Variants in RALYL observed in about 807,000 individuals in gnomAD.
The protein encoded by RALYL is RNA-binding Raly-like protein.
A neutral mutation model predicts 35.1 loss-of-function variants in RALYL; 29 were observed. That is an observed-to-expected ratio of 0.83 (90% CI 0.61 to 1.13). The LOEUF (loss-of-function observed/expected upper bound fraction) is 1.13. Ranked by LOEUF, RALYL falls within the 50% of genes most tolerant of loss-of-function variation. The pLI, the probability that RALYL is intolerant of heterozygous loss-of-function variation, is 0.00. For synonymous variants in RALYL, 120 were observed against 127.6 expected (o/e 0.94, Z 0.40); for missense variants, 359 against 360.4 (o/e 1.00, Z 0.03).
chr8:84,406,911 G>A (rs2043555005), intron 1 of RALYL, among the ~76,000 whole-genome samples: 5 of 151,750 alleles, frequency 3.3e-5, no homozygotes. Flanking sequence ...TAATTTTAAT[G>A]GACCTTGAAG....
intron 2 of RALYL, among the ~76,000 whole-genome samples, chr8:84,550,929 C>T (rs2135424543): frequency 6.6e-6 from 1 of 151,948 alleles, no homozygotes; most frequent in Non-Finnish European, 1.5e-5. Flanking sequence ...AAATCTAGGT[C>T]TATAACCATT....
At chr8:84,199,521 T>C (rs1816308134) in intron 1 of RALYL, among the ~76,000 whole-genome samples, 2 of 152,212 alleles carry the variant, frequency 1.3e-5, no homozygotes, top group South Asian at 4.1e-4. Context: ...TTGTCCATTT[T>C]TGCTTTAATT....
chr8:84,564,549 C>T (rs2061658881), intron 2 of RALYL, among the ~76,000 whole-genome samples: 1 of 151,636 alleles, frequency 6.6e-6, no homozygotes, highest in Non-Finnish European at 1.5e-5. Context: ...TTATGTTTTG[C>T]TGTCTGCCAC....
intron 1 of RALYL, among the ~76,000 whole-genome samples, chr8:84,379,278 A>G (rs766643658): frequency 1.5e-4 from 23 of 151,972 alleles, no homozygotes; most frequent in Non-Finnish European, 3.2e-4. Context: ...TATCAATAAT[A>G]GCAGTGGCAA....
chr8:84,805,804 AC>A (rs1824454745), intron 4 of RALYL, among the ~76,000 whole-genome samples: 1 of 152,130 alleles, frequency 6.6e-6, no homozygotes, highest in African/African-American at 2.4e-5. Context: ...CTGATCAAAT[AC>A]TCCTTTGACT....
chr8:84,622,846 G>A lies in RALYL; in HGVS notation c.256+93269G>A, dbSNP rs999445455. Reference sequence around the variant, plus strand: ...TGTGTCTCAAGATGTAAGAATTGACGAGTACACACCAAGTCGTTGTTATCT... The same window carrying A: ...TGTGTCTCAAGATGTAAGAATTGACAAGTACACACCAAGTCGTTGTTATCT... On this transcript the variant is annotated intron_variant, in intron 2 of 8. Coordinates refer to ENST00000521268, the MANE Select transcript of RALYL (RefSeq NM_173848.7). Among the ~76,000 whole-genome samples, 9 of 152,122 alleles carry A rather than the reference G, an allele frequency of 5.9e-5. No individual in the cohort carries two copies. The South Asian group carries it at 1.4e-3, about 24-fold the overall frequency.
At chr8:84,379,361 T>C (rs1355174373) in intron 1 of RALYL, among the ~76,000 whole-genome samples, 1 of 151,916 alleles carries the variant, frequency 6.6e-6, no homozygotes, top group Non-Finnish European at 1.5e-5. Flanking sequence ...CCTTGACTGA[T>C]TGTACAACTT....
intron 8 of RALYL, among the ~76,000 whole-genome samples, chr8:84,889,269 A>T (rs943264916): frequency 1.3e-5 from 2 of 152,170 alleles, no homozygotes; most frequent in South Asian, 4.1e-4. Context: ...GATTTCTTCA[A>T]CTCATTCTAA....
At chr8:84,850,290 A>T (rs1022693752) in intron 5 of RALYL, among the ~76,000 whole-genome samples, 2 of 152,228 alleles carry the variant, frequency 1.3e-5, no homozygotes, top group African/African-American at 4.8e-5. Flanking sequence ...AATCCTAAAG[A>T]TTTAATTAAC....
In RALYL at chr8:84,717,409, A is replaced by G. The variant is rs1192041379; in HGVS notation, c.257-57170A>G. Reference sequence around the variant, plus strand: ...CCTTTGATAATACTATTTCTCTTAGATTACTACTGGCAGCAATTAATCAAC... The same window carrying G: ...CCTTTGATAATACTATTTCTCTTAGGTTACTACTGGCAGCAATTAATCAAC... On this transcript the variant is annotated intron_variant, in intron 2 of 8. Coordinates refer to ENST00000521268, the MANE Select transcript of RALYL (RefSeq NM_173848.7). Among the ~76,000 whole-genome samples, 10 of 152,160 alleles carry G rather than the reference A, an allele frequency of 6.6e-5. No homozygotes were observed. In the East Asian group the frequency reaches 1.9e-3, roughly 29 times the overall value.
intron 1 of RALYL, among the ~76,000 whole-genome samples, chr8:84,363,625 C>T (rs1475047511): frequency 1.3e-5 from 2 of 152,156 alleles, no homozygotes; most frequent in African/African-American, 4.8e-5. Context: ...TATAAGGGAG[C>T]ATTGGCCTTT....
intron 1 of RALYL, among the ~76,000 whole-genome samples, chr8:84,264,747 GC>G (rs927451638): frequency 1.3e-5 from 2 of 152,122 alleles, no homozygotes; most frequent in Non-Finnish European, 2.9e-5. Flanking sequence ...TAAAACTCAT[GC>G]AATATGTGAG....
intron 4 of RALYL, among the ~76,000 whole-genome samples, chr8:84,806,086 C>A (rs932514520): frequency 2.6e-5 from 4 of 152,176 alleles, no homozygotes; most frequent in African/African-American, 9.7e-5. Flanking sequence ...ACTCATTCAA[C>A]AACATGGTTC....
At chr8:84,368,304 AATTT>A (rs1169060873) in intron 1 of RALYL, among the ~76,000 whole-genome samples, 1 of 152,178 alleles carries the variant, frequency 6.6e-6, no homozygotes, top group Non-Finnish European at 1.5e-5. Context: ...TTTTACATAT[AATTT>A]ATTTGTAGGG....
chr8:84,584,365 C>T (rs1469356859), intron 2 of RALYL, among the ~76,000 whole-genome samples: 1 of 151,990 alleles, frequency 6.6e-6, no homozygotes, highest in Non-Finnish European at 1.5e-5. Context: ...AGCACTTTGG[C>T]AGGCTGAGGC....
chr8:84,720,084 G>T (rs1296044733), intron 2 of RALYL, among the ~76,000 whole-genome samples: 1 of 152,046 alleles, frequency 6.6e-6, no homozygotes, highest in African/African-American at 2.4e-5. Context: ...TGTCACAAAT[G>T]ATAGGATTCC....
At chr8:84,427,254 A>C (rs2046595391) in intron 1 of RALYL, among the ~76,000 whole-genome samples, 2 of 152,110 alleles carry the variant, frequency 1.3e-5, no homozygotes, top group African/African-American at 2.4e-5. Flanking sequence ...TAGCTTCCCT[A>C]CTAGACTTCC....
chr8:84,839,441 A>G (rs1832727661), intron 4 of RALYL, among the ~76,000 whole-genome samples: 1 of 152,236 alleles, frequency 6.6e-6, no homozygotes, highest in Admixed American at 6.5e-5. Flanking sequence ...GCCATTGCCC[A>G]GGCTTCAGTA....
At chr8:84,295,408 A>T (rs1184313299) in intron 1 of RALYL, among the ~76,000 whole-genome samples, 1 of 152,182 alleles carries the variant, frequency 6.6e-6, no homozygotes, top group African/African-American at 2.4e-5. Flanking sequence ...TTGACAAAAT[A>T]AGAGCAAACT....
Sources: allele counts gnomAD v4.1 joint callset (sites outside exome capture counted in the v4.1 genomes callset), GRCh38; gene constraint gnomAD v4.1.1; transcripts MANE v1.5; gene names NCBI Gene and HGNC (gene_info 2026-07-23, HGNC 2026-07-21).